The following WDR7 variants were observed in gnomAD, a reference collection of about 807,000 sequenced individuals.
WDR7 encodes WD repeat domain 7, also known as WD repeat-containing protein 7.
A neutral mutation model predicts 169.4 loss-of-function variants in WDR7; 46 were observed. That is an observed-to-expected ratio of 0.27 (90% CI 0.21 to 0.35). The LOEUF is 0.35. Among genes scored for constraint, WDR7 ranks in the 10% least tolerant of loss-of-function variants. WDR7 has a pLI of 1.00. For synonymous variants in WDR7, 612 were observed against 666.8 expected, an observed-to-expected ratio of 0.92 and a Z score of 1.27; for missense variants, 1,534 against 1,859.3, an observed-to-expected ratio of 0.83 and a Z score of 3.22.
intron 13 of WDR7, among the ~76,000 whole-genome samples, chr18:56,725,729 T>G (rs375139585): frequency 2.6e-5 from 4 of 152,076 alleles, no homozygotes; most frequent in African/African-American, 9.7e-5. Context: ...AGTCCTTGCC[T>G]ATGCCTATGT....
At chr18:56,763,651 G>T (rs2044016827) in intron 16 of WDR7, among the ~76,000 whole-genome samples, 1 of 152,148 alleles carries the variant, frequency 6.6e-6, no homozygotes, top group Admixed American at 6.5e-5. Context: ...TTTTCTGGAC[G>T]GGTGAGTGTA....
chr18:56,769,433 A>C (rs932667388), intron 16 of WDR7, among the ~76,000 whole-genome samples: 2 of 152,172 alleles, frequency 1.3e-5, no homozygotes, highest in Non-Finnish European at 2.9e-5. Context: ...TCCTGGGCTC[A>C]AGTGATCCTC....
intron 27 of WDR7, among the ~76,000 whole-genome samples, chr18:57,023,540 T>C (rs9962313): frequency 0.32 from 48,664 of 152,096 alleles, 8,630 homozygotes; most frequent in East Asian, 0.81. Context: ...TTTCTGTGTG[T>C]TCAGAAAATA....
intron 19 of WDR7, among the ~76,000 whole-genome samples, chr18:56,806,104 G>A (rs1470000910): frequency 6.6e-6 from 1 of 152,132 alleles, no homozygotes; most frequent in Non-Finnish European, 1.5e-5. Flanking sequence ...ATCCTAAGAA[G>A]AGCTGATTTT....
Position 56,660,670 on chromosome 18 carries a change from A to G in WDR7, c.-20+9094A>G, listed in dbSNP as rs868758574. Among the ~76,000 whole-genome samples, 15 of 131,274 alleles carry G rather than the reference A, an allele frequency of 1.1e-4. No individual in the cohort carries two copies. In the South Asian group the frequency reaches 3.8e-3, roughly 34 times the overall value. 86.1% of individuals were successfully genotyped at this position (131,274 alleles called of 152,430 possible). A position where few individuals can be genotyped will look rare whatever the true frequency, so the allele number is the denominator to read the frequency against. On this transcript the variant is annotated intron_variant, in intron 1 of 27. Transcript: ENST00000254442. ...AATATTTAAAGGTTAAAAAAAAAAA[A>G]AAAGAAAGAAAAGAAAGAAAGGAGA...
chr18:56,849,603 C>T (rs999587400), intron 20 of WDR7, among the ~76,000 whole-genome samples: 1 of 152,184 alleles, frequency 6.6e-6, no homozygotes, highest in African/African-American at 2.4e-5. Flanking sequence ...TCCTAGTTGA[C>T]ATCACTTTGA....
chr18:56,675,353 G>A (rs1341641469), intron 2 of WDR7, among the ~76,000 whole-genome samples: 1 of 151,852 alleles, frequency 6.6e-6, no homozygotes, highest in Non-Finnish European at 1.5e-5. Flanking sequence ...AACATTGAAT[G>A]CATTTCCATT....
At chr18:56,777,635 G>A (rs936285667) in intron 17 of WDR7, among the ~76,000 whole-genome samples, 6 of 152,036 alleles carry the variant, frequency 3.9e-5, no homozygotes, top group Non-Finnish European at 5.9e-5. Context: ...TTACCACTTT[G>A]CATAACATAA....
intron 20 of WDR7, among the ~76,000 whole-genome samples, chr18:56,872,502 G>C (rs541693174): frequency 6.6e-6 from 1 of 152,064 alleles, no homozygotes; most frequent in Non-Finnish European, 1.5e-5. Context: ...AGACAATTAC[G>C]TACATTTGAA....
At chr18:57,016,109 G>A (rs1482916932) in intron 26 of WDR7, among the ~76,000 whole-genome samples, 8 of 152,076 alleles carry the variant, frequency 5.3e-5, no homozygotes. Context: ...ACGTATTTCG[G>A]CTCAGCAGAC....
chr18:56,963,667 T>A (rs2047365989), intron 26 of WDR7, among the ~76,000 whole-genome samples: 1 of 152,180 alleles, frequency 6.6e-6, no homozygotes, highest in African/African-American at 2.4e-5. Flanking sequence ...CCATACTTGT[T>A]TAACTGTCAA....
At chr18:56,866,584 A>G (rs1339689914) in intron 20 of WDR7, among the ~76,000 whole-genome samples, 3 of 152,140 alleles carry the variant, frequency 2.0e-5, no homozygotes, top group Admixed American at 6.5e-5. Flanking sequence ...TGGATTAAGT[A>G]TTAGATAAAT....
intron 26 of WDR7, among the ~76,000 whole-genome samples, chr18:56,967,883 A>T (rs73444850): frequency 0.063 from 9,605 of 152,268 alleles, 937 homozygotes; most frequent in African/African-American, 0.21. Context: ...TGTAAATGTT[A>T]TATAAATAGT....
intron 19 of WDR7, among the ~76,000 whole-genome samples, chr18:56,783,295 A>G (rs1599039839): frequency 2.0e-5 from 3 of 152,314 alleles, no homozygotes; most frequent in Admixed American, 2.0e-4. Flanking sequence ...TGGGATGAAA[A>G]GAACTTTGTC....
intron 21 of WDR7, among the ~76,000 whole-genome samples, chr18:56,893,028 T>C (rs2046285107): frequency 6.6e-6 from 1 of 152,046 alleles, no homozygotes; most frequent in South Asian, 2.1e-4. Context: ...AATTTTTTGG[T>C]CTAGAATGTG....
intron 20 of WDR7, 65 bp downstream of exon 20, chr18:56,816,209 T>A: frequency 2.2e-6 from 3 of 1,391,858 alleles, no homozygotes; most frequent in Non-Finnish European, 3.0e-6. Context: ...GTTTTCTAGG[T>A]TATTTGTGGT....
the WDR7 span, chr18:57,036,098 G>T: frequency 6.6e-6 from 1 of 152,314 alleles, no homozygotes; most frequent in Non-Finnish European, 1.5e-5. Flanking sequence ...ATAGATATCA[G>T]TGGTGGCTTT....
chr18:56,689,859 C>T (rs368650665), intron 7 of WDR7, among the ~76,000 whole-genome samples: 6 of 152,000 alleles, frequency 3.9e-5, no homozygotes, highest in African/African-American at 9.6e-5. Context: ...GGCTAGTTTC[C>T]CTTCCTTACT....
intron 12 of WDR7, among the ~76,000 whole-genome samples, chr18:56,699,391 ATATTTT>A (rs1459788427): frequency 3.3e-5 from 5 of 152,200 alleles, no homozygotes; most frequent in Non-Finnish European, 5.9e-5. Context: ...TTAGCAGAAT[ATATTTT>A]TATTTTTGTT....
Sources: allele counts gnomAD v4.1 joint callset (sites outside exome capture counted in the v4.1 genomes callset), GRCh38; gene constraint gnomAD v4.1.1; transcripts MANE v1.5; gene names NCBI Gene and HGNC (gene_info 2026-07-23, HGNC 2026-07-21).